The following ITGA8 variants were observed in gnomAD, a reference collection of about 807,000 sequenced individuals.
ITGA8 encodes the protein integrin subunit alpha 8, also known as integrin alpha-8.
ITGA8 carries 91 observed loss-of-function variants against 142.3 expected under a neutral mutation model. The ratio of observed to expected loss-of-function variants is 0.64; its 90% CI spans 0.54 to 0.76. ITGA8 has a LOEUF of 0.76. ITGA8 is among the 30% of genes least tolerant of loss of function. The probability of loss-of-function intolerance (pLI) is 0.00; values close to 1 mark genes in which losing one functional copy is unlikely to be tolerated. For missense variants in ITGA8, 1,406 were observed against 1,327.7 expected, an observed-to-expected ratio of 1.06 and a Z score of -0.92; for synonymous variants, 505 against 485.2, an observed-to-expected ratio of 1.04 and a Z score of -0.54.
At chr10:15,518,678 T>A (rs1258800373) in intron 29 of ITGA8, among the ~76,000 whole-genome samples, 1 of 152,200 alleles carries the variant, frequency 6.6e-6, no homozygotes, top group Non-Finnish European at 1.5e-5. Context: ...GGGCCAGAAA[T>A]TAATTCCTGT....
intron 27 of ITGA8, among the ~76,000 whole-genome samples, chr10:15,539,686 AT>A (rs1833529490): frequency 6.6e-6 from 1 of 152,142 alleles, no homozygotes; most frequent in Non-Finnish European, 1.5e-5. Context: ...AGCTGCATGC[AT>A]TTTGGAGGTA....
At chr10:15,620,517 A>T (rs1833469406) in intron 13 of ITGA8, among the ~76,000 whole-genome samples, 1 of 152,240 alleles carries the variant, frequency 6.6e-6, no homozygotes, top group Admixed American at 6.5e-5. Flanking sequence ...CTGGCAACAC[A>T]GGCCACAATT....
intron 2 of ITGA8, among the ~76,000 whole-genome samples, chr10:15,695,471 C>T (rs1190367389): frequency 6.6e-6 from 1 of 152,156 alleles, no homozygotes; most frequent in African/African-American, 2.4e-5. Context: ...TCTTATTTCT[C>T]TTTTCTAAGC....
At chr10:15,713,263 C>T (rs923420471) in intron 2 of ITGA8, among the ~76,000 whole-genome samples, 1 of 152,168 alleles carries the variant, frequency 6.6e-6, no homozygotes, top group African/African-American at 2.4e-5. Context: ...GCTAAACCAC[C>T]TTTGATGACT....
chr10:15,628,323 GGTTTT>G (rs1346138127), intron 13 of ITGA8, among the ~76,000 whole-genome samples: 5 of 78,472 alleles, frequency 6.4e-5, no homozygotes, highest in Admixed American at 1.6e-4. Context: ...AATTTATTTT[GGTTTT>G]TTTTTTTTTT....
rs756745431 is a variant in ITGA8, at chr10:15,608,236, T to G, written c.1608A>C (p.Ile536=). 19 of 1,591,934 alleles carry G rather than the reference T, an allele frequency of 1.2e-5. No individual in the cohort carries two copies. In the East Asian group the frequency reaches 3.8e-4, roughly 32 times the overall value. The change falls in exon 16 of 30, where the codon ATA becomes ATC. Residue 536 remains isoleucine, a splice_region_variant and synonymous_variant. Coordinates refer to ENST00000378076, the MANE Select transcript of ITGA8 (RefSeq NM_003638.3). ...SVTGQSIANT[I]VLMAEVQLDS... ...ATGTAAAAATGAAAACATGCTTACCTATTGTGTTTGCAATGCTCTGGCCTG... is the reference window on the plus strand; with the variant it reads ...ATGTAAAAATGAAAACATGCTTACCGATTGTGTTTGCAATGCTCTGGCCTG...
At chr10:15,691,329 T>C (rs548855734) in intron 2 of ITGA8, among the ~76,000 whole-genome samples, 55 of 152,260 alleles carry the variant, frequency 3.6e-4, no homozygotes, top group African/African-American at 1.3e-3. Context: ...GATCCAGCAA[T>C]CCCACTACTG....
At chr10:15,695,207 A>T (rs1229922240) in intron 2 of ITGA8, among the ~76,000 whole-genome samples, 1 of 152,200 alleles carries the variant, frequency 6.6e-6, no homozygotes, top group Non-Finnish European at 1.5e-5. Context: ...AACGGGCTTC[A>T]TTAATTTCAT....
At chr10:15,694,695 A>ATATATATC (rs1485063481) in intron 2 of ITGA8, among the ~76,000 whole-genome samples, 1 of 136,660 alleles carries the variant, frequency 7.3e-6, no homozygotes, top group East Asian at 2.1e-4. Context: ...ATATATATAT[A>ATATATATC]TATATATGTC....
At chr10:15,639,098 C>T (rs913798412) in intron 13 of ITGA8, among the ~76,000 whole-genome samples, 1 of 151,816 alleles carries the variant, frequency 6.6e-6, no homozygotes, top group Non-Finnish European at 1.5e-5. Context: ...CCACTGCACT[C>T]CAGCCTGGGT....
rs376236949 is a variant in ITGA8 at position 15,670,810 on chromosome 10, T to A, written c.847+793A>T. Among the ~76,000 whole-genome samples the A allele has an allele frequency of 1.5e-4, 23 of 152,322 alleles. No individual in the cohort carries two copies. The East Asian group carries it at 4.1e-3, about 27-fold the overall frequency. ...TTTCCATGACCCGTAAAACCGGACA[T>A]GAGCTGAGCCCAGACTTTGCTCGAA... On this transcript the variant is annotated intron_variant, in intron 8 of 29. Transcript: ENST00000378076.
At chr10:15,683,886 A>G in intron 4 of ITGA8, 118 bp downstream of exon 4, 1 of 1,212,216 alleles carries the variant, frequency 8.2e-7, no homozygotes, top group East Asian at 2.4e-5. Context: ...CCTACCCCCG[A>G]AGCTTTTTCC....
rs187206822 is a variant in ITGA8, at chr10:15,664,933, A to C, written c.848-4011T>G. Among the ~76,000 whole-genome samples the C allele has an allele frequency of 3.8e-3, 571 of 152,210 alleles. 6 individuals carry two copies. The highest frequency in any genetic ancestry group is 0.013 in the African/African-American group (555 of 41,528). ...TCTATCATTGTAGGACATTTAGGTT[A>C]GTTCCAAGTCTTTGCTATTGTGAAT... On this transcript the variant is annotated intron_variant, in intron 8 of 29. Coordinates refer to ENST00000378076, the MANE Select transcript of ITGA8 (RefSeq NM_003638.3).
Position 15,718,809 on chromosome 10 carries a change from C to A in ITGA8, c.300G>T (p.Ala100=), listed in dbSNP as rs779101150. ...GGAVYYCPWP[A]EGSAQCRQIP... ...TCTGCCTGCACTGCGCAGACCCCTC[C>A]GCGGGCCAAGGACAGTAATAGACGG... Residue 100 remains alanine (A), a synonymous_variant, in exon 2 of 30, where the codon GCG becomes GCT. Transcript: ENST00000378076. 6.2e-7 allele frequency: 1 copy of A among 1,614,180 alleles called. No individual in the cohort carries two copies. The highest frequency in any genetic ancestry group is 8.5e-7 in the Non-Finnish European group (1 of 1,180,028).
chr10:15,633,734 A>G (rs1833722967), intron 13 of ITGA8, among the ~76,000 whole-genome samples: 2 of 152,108 alleles, frequency 1.3e-5, no homozygotes. Context: ...AATTCCTTTT[A>G]AATTCTACCT....
At chr10:15,565,057 C>G (rs1354733956) in intron 25 of ITGA8, among the ~76,000 whole-genome samples, 2 of 152,186 alleles carry the variant, frequency 1.3e-5, no homozygotes, top group African/African-American at 2.4e-5. Context: ...GGTGTTTTTA[C>G]ATTCCAAAAT....
intron 21 of ITGA8, 56 bp from the exon 22 acceptor site, chr10:15,592,360 T>G: frequency 7.6e-7 from 1 of 1,321,758 alleles, no homozygotes; most frequent in Non-Finnish European, 1.1e-6. Flanking sequence ...TAAAAATATT[T>G]TGTAAGTCAT....
chr10:15,522,730 G>C (rs1362478291), intron 28 of ITGA8, among the ~76,000 whole-genome samples: 1 of 152,204 alleles, frequency 6.6e-6, no homozygotes, highest in East Asian at 1.9e-4. Flanking sequence ...AATATCTTAA[G>C]GCTGGGCACA....
At chr10:15,657,405 G>C (rs1045372505) in intron 10 of ITGA8, among the ~76,000 whole-genome samples, 2 of 151,876 alleles carry the variant, frequency 1.3e-5, no homozygotes, top group East Asian at 3.9e-4. Context: ...AAAATGCTTC[G>C]CTGAAAATTT....
Sources: allele counts gnomAD v4.1 joint callset (sites outside exome capture counted in the v4.1 genomes callset), GRCh38; gene constraint gnomAD v4.1.1; transcripts MANE v1.5; gene names NCBI Gene and HGNC (gene_info 2026-07-23, HGNC 2026-07-21).